The following TLE4 variants were observed in gnomAD, a reference collection of about 807,000 sequenced individuals.
The protein encoded by TLE4 is transducin-like enhancer protein 4.
Under a neutral mutation model 92.8 loss-of-function variants are expected in TLE4, and 8 were observed. That is an observed-to-expected ratio of 0.09 (90% CI 0.05 to 0.16). TLE4 has a LOEUF of 0.16. Among genes scored for constraint, TLE4 ranks in the 10% least tolerant of loss-of-function variants. The pLI is 1.00. For synonymous variants in TLE4, 371 were observed against 374.1 expected (o/e 0.99, Z 0.10); for missense variants, 675 against 997.6 (o/e 0.68, Z 4.36).
intron 14 of TLE4, among the ~76,000 whole-genome samples, chr9:79,711,796 AG>A (rs2073354152): frequency 6.6e-6 from 1 of 152,232 alleles, no homozygotes; most frequent in Admixed American, 6.5e-5. Context: ...AAGATCCTTT[AG>A]GGTGGGTTAA....
At chr9:79,648,278 A>G (rs1163488292) in intron 6 of TLE4, among the ~76,000 whole-genome samples, 2 of 152,190 alleles carry the variant, frequency 1.3e-5, no homozygotes, top group African/African-American at 4.8e-5. Flanking sequence ...GCTAGGTGCC[A>G]GGGGTACTAA....
chr9:79,600,549 T>C (rs777904059), intron 4 of TLE4, among the ~76,000 whole-genome samples: 2 of 152,100 alleles, frequency 1.3e-5, no homozygotes, highest in Non-Finnish European at 2.9e-5. Flanking sequence ...CCTCCTACAG[T>C]GTGAGAGTAT....
At chr9:79,574,738 C>G (rs2037171658) in intron 2 of TLE4, 135 bp from the exon 3 acceptor site, 2 of 678,224 alleles carry the variant, frequency 2.9e-6, no homozygotes, top group Admixed American at 4.7e-5. Flanking sequence ...TTCCCCTTCC[C>G]TTTCCATAAT....
At chr9:79,689,726 T>C (rs2066658139) in intron 8 of TLE4, among the ~76,000 whole-genome samples, 1 of 152,204 alleles carries the variant, frequency 6.6e-6, no homozygotes, top group Non-Finnish European at 1.5e-5. Context: ...CTAATTGTGC[T>C]CTCAGAAAGG....
intron 8 of TLE4, among the ~76,000 whole-genome samples, chr9:79,657,283 G>T (rs1210011127): frequency 2.6e-5 from 4 of 152,146 alleles, no homozygotes; most frequent in African/African-American, 9.7e-5. Flanking sequence ...ACCCTTAATG[G>T]TAGGGCAGAA....
intron 17 of TLE4, among the ~76,000 whole-genome samples, chr9:79,722,118 T>G (rs1292044647): frequency 6.6e-6 from 1 of 152,022 alleles, no homozygotes; most frequent in African/African-American, 2.4e-5. Flanking sequence ...TGAGCTGAGA[T>G]TTTGCCACTG....
At chr9:79,672,596 A>G (rs1412974984) in intron 8 of TLE4, among the ~76,000 whole-genome samples, 2 of 152,144 alleles carry the variant, frequency 1.3e-5, no homozygotes, top group East Asian at 1.9e-4. Flanking sequence ...TTTTTAGAGA[A>G]GTGGAATCTT....
At chr9:79,671,787 T>C (rs756676496) in intron 8 of TLE4, among the ~76,000 whole-genome samples, 6 of 152,086 alleles carry the variant, frequency 3.9e-5, no homozygotes, top group Non-Finnish European at 2.9e-5. Flanking sequence ...GTATTCAGGG[T>C]GCTGGGGAAC....
chr9:79,724,139 T>G (rs748234196), intron 19 of TLE4, among the ~76,000 whole-genome samples: 3 of 152,122 alleles, frequency 2.0e-5, no homozygotes, highest in Admixed American at 1.3e-4. Context: ...GTGGGAACAT[T>G]AGGCTTTTTA....
At chr9:79,574,444 C>T (rs1186048887) in intron 2 of TLE4, among the ~76,000 whole-genome samples, 3 of 152,124 alleles carry the variant, frequency 2.0e-5, no homozygotes, top group Admixed American at 6.5e-5. Flanking sequence ...ATTCATAAGA[C>T]ATGCTTGATT....
In TLE4 at chr9:79,652,757, A is replaced by C. The variant is rs753903664; in HGVS notation, c.555A>C (p.Lys185Asn). Reference sequence around the variant, plus strand: ...GAGGTCAGTCCCATCTTCCAATTAAAGATGAGAAGAAGCACCATGACAATG... The same window carrying C: ...GAGGTCAGTCCCATCTTCCAATTAACGATGAGAAGAAGCACCATGACAATG... ...ALGGQSHLPIKDEKKHHDNDH... is the reference protein window; with the variant it reads ...ALGGQSHLPINDEKKHHDNDH... Residue 185 changes from lysine to asparagine, a missense_variant, in exon 7 of 20, where the codon AAA becomes AAC. Lys to Asn is a moderately conservative substitution (Grantham distance 94). Coordinates refer to ENST00000376552, the MANE Select transcript of TLE4 (RefSeq NM_007005.6). The C allele has an allele frequency of 6.2e-7, 1 of 1,614,192 alleles. No homozygotes were observed. Among genetic ancestry groups the C allele is most frequent in the Non-Finnish European group, 8.5e-7 (1 of 1,180,036 alleles).
chr9:79,615,783 T>C (rs1360138872), intron 5 of TLE4, among the ~76,000 whole-genome samples: 3 of 152,186 alleles, frequency 2.0e-5, no homozygotes, highest in African/African-American at 7.2e-5. Flanking sequence ...AAAAATATTT[T>C]CCTATTAGAG....
rs780715121 is a variant in TLE4, at chr9:79,722,487, C to T, written c.2023C>T (p.Leu675Phe). 8.7e-6 allele frequency: 14 copies of T among 1,614,198 alleles called. No homozygotes were observed. The highest frequency in any genetic ancestry group is 1.2e-5 in the Non-Finnish European group (14 of 1,180,024). ...GGGCTACTGCCCAACTGGAGAGTGG[C>T]TTGCAGTGGGGATGGAGAACAGCAA... ...SLGYCPTGEWLAVGMENSNVE... is the reference protein window; with the variant it reads ...SLGYCPTGEWFAVGMENSNVE... The change falls in exon 18 of 20, where the codon CTT becomes TTT. Residue 675 changes from leucine to phenylalanine, a missense_variant. Physicochemically the swap from Leu to Phe is conservative, Grantham distance 22. Coordinates refer to ENST00000376552, the MANE Select transcript of TLE4 (RefSeq NM_007005.6).
At chr9:79,640,905 C>G (rs1218600572) in intron 6 of TLE4, among the ~76,000 whole-genome samples, 1 of 151,950 alleles carries the variant, frequency 6.6e-6, no homozygotes, top group African/African-American at 2.4e-5. Context: ...ACTTGGTGGT[C>G]TTCTTTATAT....
At chr9:79,673,207 T>G (rs1224314566) in intron 8 of TLE4, among the ~76,000 whole-genome samples, 1 of 152,200 alleles carries the variant, frequency 6.6e-6, no homozygotes, top group Non-Finnish European at 1.5e-5. Context: ...ATGAAATTTT[T>G]AAAGAGCTAG....
intron 8 of TLE4, among the ~76,000 whole-genome samples, chr9:79,696,109 G>A (rs2068192296): frequency 6.6e-6 from 1 of 152,096 alleles, no homozygotes; most frequent in African/African-American, 2.4e-5. Context: ...GTGTACTGTT[G>A]TCAGTATAAA....
rs189337470 is a variant in TLE4, at chr9:79,587,216, A to C, written c.252+11039A>C. 4.5e-3 allele frequency among the ~76,000 whole-genome samples: 686 copies of C among 152,342 alleles called. 5 individuals are homozygous for C. The highest frequency in any genetic ancestry group is 0.016 in the African/African-American group (647 of 41,580). On this transcript the variant is annotated intron_variant, in intron 4 of 19. Coordinates refer to ENST00000376552, the MANE Select transcript of TLE4 (RefSeq NM_007005.6). ...TAATTTTTTCATTTTATTGCATTTC[A>C]TGTAGCATCACATATTCTGAGTATC...
At chr9:79,577,853 AT>A (rs2038381714) in intron 4 of TLE4, among the ~76,000 whole-genome samples, 1 of 152,006 alleles carries the variant, frequency 6.6e-6, no homozygotes, top group Non-Finnish European at 1.5e-5. Flanking sequence ...GGCTGTATGT[AT>A]TTCTTTTTCG....
At chr9:79,717,942 T>G (rs1002975742) in intron 14 of TLE4, 4 of 456,190 alleles carry the variant, frequency 8.8e-6, no homozygotes, top group African/African-American at 6.0e-5. Flanking sequence ...TTCAGTGCCC[T>G]AAAAATAAAA....
Sources: allele counts gnomAD v4.1 joint callset (sites outside exome capture counted in the v4.1 genomes callset), GRCh38; gene constraint gnomAD v4.1.1; transcripts MANE v1.5; gene names NCBI Gene and HGNC (gene_info 2026-07-23, HGNC 2026-07-21).